Variants in ITSN2 observed in about 807,000 individuals in gnomAD.
ITSN2 encodes the protein intersectin 2, also known as intersectin-2.
In ITSN2, 156 loss-of-function variants were observed where a neutral mutation model predicts 243.7. That is an observed-to-expected ratio of 0.64 (90% CI 0.56 to 0.73). The LOEUF (loss-of-function observed/expected upper bound fraction) is 0.73, where lower values mean the gene tolerates loss of function less well. ITSN2 is among the 30% of genes least tolerant of loss of function. ITSN2 has a pLI of 0.00. For synonymous variants in ITSN2, 703 were observed against 699.9 expected (o/e 1.00, Z -0.07); for missense variants, 1,801 against 1,996.1 (o/e 0.90, Z 1.86).
In ITSN2 at chr2:24,300,035, T is replaced by C. The variant is rs2151658041; in HGVS notation, c.1218A>G (p.Arg406=). Residue 406 remains arginine (R), a synonymous_variant, in exon 12 of 40, where the codon CGA becomes CGG. Coordinates refer to ENST00000355123, the MANE Select transcript of ITSN2 (RefSeq NM_006277.3). The stretch of plus-strand genomic sequence containing the variant: ...CTTGTTCTTGTAATTCTCTCTGTTT[T>C]CGTTCCCACTCTTCCTTTTCTTTCT... The part of the protein sequence containing the change: ...KAQKEKEEWE[R]KQRELQEQEW... The C allele has an allele frequency of 6.2e-7, 1 of 1,614,234 alleles. No individual in the cohort carries two copies. The highest frequency in any genetic ancestry group is 1.7e-5 in the Admixed American group (1 of 60,032).
intron 12 of ITSN2, 110 bp downstream of exon 12, chr2:24,299,799 G>T: frequency 2.3e-6 from 2 of 883,286 alleles, no homozygotes; most frequent in Non-Finnish European, 1.7e-6. Context: ...AAATGATGCA[G>T]AGCAAAAGGC....
In ITSN2 at chr2:24,208,320, C is replaced by T. The variant is rs917125927; in HGVS notation, c.4596-1G>A. 6.2e-7 allele frequency: 1 copy of T among 1,611,604 alleles called. No homozygotes were observed. Among genetic ancestry groups the T allele is most frequent in the Non-Finnish European group, 8.5e-7 (1 of 1,179,630 alleles). On this transcript the variant is annotated splice_acceptor_variant, in intron 36 of 39. Transcript: ENST00000355123. LOFTEE classifies it high-confidence loss of function. ...CTTGATCTTCTGCACCCAGGCGGTC[C>T]TACGGGAGAAGCAGGGGCAGCCGTT...
Position 24,248,784 on chromosome 2 carries a change from ATTGC to A in ITSN2, c.3167-38_3167-35del, listed in dbSNP as rs776425236. ...ACAAAGAAGAAACTATGAATTCAAG[ATTGC>A]GACAGAGCAAACACGTTAGTAATTT... is the stretch of plus-strand genomic sequence containing the variant. On this transcript the variant is annotated intron_variant, in intron 26 of 39. Transcript: ENST00000355123. 5.7e-5 allele frequency: 92 copies of A among 1,613,092 alleles called. No homozygotes were observed. In the Admixed American group the frequency reaches 1.5e-3, roughly 27 times the overall value.
rs1683522928 is a variant in ITSN2 at position 24,313,519 on chromosome 2, A to G, written c.129T>C (p.Asp43=). 1.2e-6 allele frequency: 2 copies of G among 1,613,226 alleles called. No homozygotes were observed. Among genetic ancestry groups the G allele is most frequent in the Middle Eastern group, 1.7e-4 (1 of 6,014 alleles). The change falls in exon 4 of 40, where the codon GAT becomes GAC. Residue 43 remains aspartate, a synonymous_variant. Transcript: ENST00000355123. ...LKPSGGYITG[D]QARNFFLQSG... ...ATTGTAGGAAAAAATTACGTGCTTG[A>G]TCACCTGGAGGTAATAAAAACAAAA...
At chr2:24,325,429 A>G (rs995504053) in intron 2 of ITSN2, among the ~76,000 whole-genome samples, 1 of 152,168 alleles carries the variant, frequency 6.6e-6, no homozygotes, top group African/African-American at 2.4e-5. Context: ...AAACACTGCA[A>G]TAAGAAAACT....
intron 1 of ITSN2, among the ~76,000 whole-genome samples, chr2:24,342,517 C>G (rs1476402320): frequency 6.7e-6 from 1 of 148,992 alleles, no homozygotes; most frequent in Admixed American, 6.8e-5. Flanking sequence ...AAGGGCAGAG[C>G]TAAGGACAGA....
chr2:24,207,274 G>A (rs971391783), intron 37 of ITSN2, among the ~76,000 whole-genome samples: 5 of 152,074 alleles, frequency 3.3e-5, no homozygotes, highest in African/African-American at 7.2e-5. Context: ...AGGAAAGGGC[G>A]ATGGGAAAGT....
chr2:24,228,124 C>T (rs557750976), intron 29 of ITSN2, among the ~76,000 whole-genome samples: 10 of 152,010 alleles, frequency 6.6e-5, no homozygotes, highest in Admixed American at 5.2e-4. Flanking sequence ...TACCAGAACA[C>T]CAAGGAGGGA....
At chr2:24,210,614 C>CAAA (rs950984341) in intron 34 of ITSN2, among the ~76,000 whole-genome samples, 166 bp downstream of exon 34, 14 of 53,846 alleles carry the variant, frequency 2.6e-4, no homozygotes, top group Non-Finnish European at 3.1e-4. Flanking sequence ...GACTCCGTCT[C>CAAA]AAAAAAAAAA....
intron 16 of ITSN2, 70 bp from the exon 17 acceptor site, chr2:24,284,913 T>TATA: frequency 1.7e-6 from 1 of 574,906 alleles, no homozygotes. Flanking sequence ...TTTTTTTTTT[T>TATA]TTGAGATGGA....
intron 8 of ITSN2, among the ~76,000 whole-genome samples, chr2:24,305,344 G>A (rs946146270): frequency 3.3e-5 from 5 of 152,150 alleles, no homozygotes; most frequent in African/African-American, 4.8e-5. Context: ...GCTCACGTCT[G>A]TAATCCCAGA....
intron 1 of ITSN2, among the ~76,000 whole-genome samples, chr2:24,355,969 G>A (rs1446314999): frequency 6.6e-6 from 1 of 152,082 alleles, no homozygotes; most frequent in Non-Finnish European, 1.5e-5. Context: ...TTGGGAGGCC[G>A]AGGCGGGTGG....
chr2:24,215,658 T>G (rs1405956495), intron 32 of ITSN2, among the ~76,000 whole-genome samples: 1 of 129,810 alleles, frequency 7.7e-6, no homozygotes, highest in Non-Finnish European at 1.6e-5. Flanking sequence ...CAGAGCAAGA[T>G]TCTGTTTAAA....
chr2:24,288,228 G>A (rs986648140), intron 15 of ITSN2, among the ~76,000 whole-genome samples: 1 of 151,924 alleles, frequency 6.6e-6, no homozygotes, highest in African/African-American at 2.4e-5. Context: ...TCATTCTTTT[G>A]CAGGTGGATA....
At chr2:24,330,691 A>T in intron 1 of ITSN2, 1 of 700,152 alleles carries the variant, frequency 1.4e-6, no homozygotes, top group Non-Finnish European at 2.6e-6. Context: ...TGTATTTTTT[A>T]TAACTGTGTA....
chr2:24,269,212 T>A (rs894598791), intron 20 of ITSN2, among the ~76,000 whole-genome samples: 1 of 152,120 alleles, frequency 6.6e-6, no homozygotes, highest in Non-Finnish European at 1.5e-5. Flanking sequence ...TCTCATGTCT[T>A]CCAACACCAT....
chr2:24,208,111 G>A, intron 37 of ITSN2, 126 bp downstream of exon 37: 1 of 832,492 alleles, frequency 1.2e-6, no homozygotes, highest in Non-Finnish European at 2.0e-6. Context: ...GGGCTCTCTG[G>A]TCTGATCCCG....
intron 31 of ITSN2, 41 bp from the exon 32 acceptor site, chr2:24,216,273 G>T: frequency 1.4e-6 from 2 of 1,462,290 alleles, no homozygotes; most frequent in East Asian, 2.5e-5. Flanking sequence ...CTAAGTGAAT[G>T]ACTTAGGTAA....
At chr2:24,356,519 C>A (rs1005159589) in intron 1 of ITSN2, among the ~76,000 whole-genome samples, 5 of 150,542 alleles carry the variant, frequency 3.3e-5, no homozygotes, top group African/African-American at 1.2e-4. Context: ...AAAAAGTGGG[C>A]AAAGGATATG....
Sources: gnomAD v4.1 joint callset for allele counts (sites outside exome capture counted in the v4.1 genomes callset) on GRCh38, gnomAD v4.1.1 for gene constraint, MANE v1.5 for transcripts, NCBI Gene and HGNC (gene_info 2026-07-23, HGNC 2026-07-21) for gene names.